The following CBLB variants were observed in gnomAD, a reference collection of about 807,000 sequenced individuals.
CBLB encodes E3 ubiquitin-protein ligase CBL-B.
Under a neutral mutation model 104.9 loss-of-function variants are expected in CBLB, and 31 were observed. The ratio of observed to expected loss-of-function variants is 0.30; its 90% CI spans 0.22 to 0.40. CBLB has a LOEUF of 0.40. Ranked by LOEUF, CBLB falls within the 10% of genes least tolerant of loss-of-function variation. CBLB has a pLI of 1.00. For missense variants in CBLB, 1,062 were observed against 1,214.6 expected (o/e 0.87, Z 1.87); for synonymous variants, 440 against 422.6 (o/e 1.04, Z -0.51).
At chr3:105,799,174 G>GAATAAAAAA (rs1471114207) in intron 3 of CBLB, among the ~76,000 whole-genome samples, 1 of 35,138 alleles carries the variant, frequency 2.8e-5, no homozygotes, top group Non-Finnish European at 5.7e-5. Context: ...TAATGACAAA[G>GAATAAAAAA]AACAAAAAAA....
At chr3:105,794,790 A>G (rs573292707) in intron 3 of CBLB, among the ~76,000 whole-genome samples, 2 of 152,220 alleles carry the variant, frequency 1.3e-5, no homozygotes, top group African/African-American at 2.4e-5. Context: ...AAATATATAC[A>G]TACATTCTAC....
At chr3:105,771,289 TATAATCATCTCA>T (rs2078848855) in intron 4 of CBLB, among the ~76,000 whole-genome samples, 1 of 152,078 alleles carries the variant, frequency 6.6e-6, no homozygotes, top group South Asian at 2.1e-4. Context: ...TAAAAATATA[TATAATCATCTCA>T]ATAGACCCAG....
intron 3 of CBLB, among the ~76,000 whole-genome samples, chr3:105,843,436 C>G (rs1270522669): frequency 6.6e-6 from 1 of 152,032 alleles, no homozygotes; most frequent in Admixed American, 6.6e-5. Flanking sequence ...TATAATTATT[C>G]TAATTAATCC....
intron 3 of CBLB, among the ~76,000 whole-genome samples, chr3:105,786,061 C>CGGGGGG (rs76857199): frequency 5.1e-4 from 40 of 79,130 alleles, no homozygotes; most frequent in East Asian, 6.0e-4. Flanking sequence ...GTGAGAGGAT[C>CGGGGGG]GGGGGGGGGA....
chr3:105,839,217 T>G (rs968663702), intron 3 of CBLB, among the ~76,000 whole-genome samples: 1 of 152,178 alleles, frequency 6.6e-6, no homozygotes, highest in African/African-American at 2.4e-5. Context: ...TTCAGAGGAT[T>G]AGAATGCATC....
intron 2 of CBLB, among the ~76,000 whole-genome samples, chr3:105,864,617 C>T (rs2092318268): frequency 6.6e-6 from 1 of 152,134 alleles, no homozygotes; most frequent in Non-Finnish European, 1.5e-5. Context: ...ACTATGCTAA[C>T]TCTGTGCTAC....
intron 9 of CBLB, among the ~76,000 whole-genome samples, chr3:105,728,393 A>G (rs1222085976): frequency 6.6e-6 from 1 of 152,194 alleles, no homozygotes; most frequent in Non-Finnish European, 1.5e-5. Context: ...ATACCTAGAA[A>G]TACAACTTAC....
At chr3:105,849,176 A>G (rs908982735) in intron 3 of CBLB, among the ~76,000 whole-genome samples, 2 of 152,182 alleles carry the variant, frequency 1.3e-5, no homozygotes, top group Non-Finnish European at 2.9e-5. Flanking sequence ...GTCCAAATAT[A>G]TTACTAGAAA....
Position 105,786,064 on chromosome 3 carries a change from G to GGGGT in CBLB, c.420-9523_420-9522insACCC, listed in dbSNP as rs1553794704. Reference sequence around the variant, plus strand: ...ACATAACACTGTGTGAGAGGATCGGGGGGGGGAAAGTGGGTAAAATGAAAG... The same window carrying GGGGT: ...ACATAACACTGTGTGAGAGGATCGGGGGGTGGGGGGAAAGTGGGTAAAATGAAAG... On this transcript the variant is annotated intron_variant, in intron 3 of 18. Coordinates refer to ENST00000394030, the MANE Select transcript of CBLB (RefSeq NM_170662.5). Among the ~76,000 whole-genome samples the GGGGT allele has an allele frequency of 5.0e-5, 7 of 139,154 alleles. 1 individual carries two copies. Among genetic ancestry groups the GGGGT allele is most frequent in the African/African-American group, 1.1e-4 (4 of 36,712 alleles). The allele number at this position is 139,154 out of a possible 152,430, so 91.3% of individuals were successfully genotyped here.
At chr3:105,723,157 C>T (rs2073125897) in intron 9 of CBLB, among the ~76,000 whole-genome samples, 1 of 152,128 alleles carries the variant, frequency 6.6e-6, no homozygotes, top group Non-Finnish European at 1.5e-5. Context: ...CATAAAGTCT[C>T]AAATGTTACT....
intron 3 of CBLB, among the ~76,000 whole-genome samples, chr3:105,842,929 T>C (rs976794609): frequency 2.6e-5 from 4 of 152,192 alleles, no homozygotes; most frequent in Admixed American, 6.5e-5. Context: ...GTTGATAAAA[T>C]AGTTTTAAAA....
intron 3 of CBLB, among the ~76,000 whole-genome samples, chr3:105,802,270 C>T (rs1294868202): frequency 1.3e-5 from 2 of 152,216 alleles, no homozygotes; most frequent in Non-Finnish European, 2.9e-5. Context: ...CACCAGTGTC[C>T]TCTCCAGCTG....
intron 1 of CBLB, chr3:105,868,172 T>C (rs1706410469): frequency 1.6e-6 from 2 of 1,224,530 alleles, no homozygotes; most frequent in Non-Finnish European, 1.0e-6. Context: ...CGAACACCTT[T>C]CTTTAAATCA....
In CBLB at chr3:105,658,415, G is replaced by C. The variant is rs371385973; in HGVS notation, c.*555C>G. The C allele has an allele frequency of 6.3e-5, 14 of 220,936 alleles. No individual in the cohort carries two copies. The South Asian group carries it at 9.2e-4, about 14-fold the overall frequency. The allele number at this position is 220,936 out of a possible 1,614,324, so 13.7% of individuals were successfully genotyped here. A position where few individuals can be genotyped will look rare whatever the true frequency, so the allele number is the denominator to read the frequency against. On this transcript the variant is annotated 3_prime_UTR_variant, in exon 19 of 19. Transcript: ENST00000394030. ...TACTTTTTTTTTTTTGCATTAGTTT[G>C]ATCAGTTGAAAATCAGAACCTTCAA... is the stretch of plus-strand genomic sequence containing the variant.
At chr3:105,811,366 A>C (rs2084271383) in intron 3 of CBLB, among the ~76,000 whole-genome samples, 1 of 152,242 alleles carries the variant, frequency 6.6e-6, no homozygotes. Flanking sequence ...TTGGGCAGAC[A>C]GCAATATAGA....
At chr3:105,735,831 A>G (rs941848777) in intron 8 of CBLB, among the ~76,000 whole-genome samples, 2 of 152,150 alleles carry the variant, frequency 1.3e-5, no homozygotes, top group African/African-American at 4.8e-5. Flanking sequence ...CTGTAATGCC[A>G]GCTACTCGGG....
intron 7 of CBLB, among the ~76,000 whole-genome samples, chr3:105,739,481 A>G (rs559796379): frequency 5.3e-5 from 8 of 152,296 alleles, no homozygotes; most frequent in African/African-American, 1.7e-4. Flanking sequence ...CAAGGAGAGG[A>G]CAAAGGGAAA....
intron 13 of CBLB, 46 bp from the exon 14 acceptor site, chr3:105,685,512 A>C (rs2066898947): frequency 6.6e-7 from 1 of 1,518,602 alleles, no homozygotes; most frequent in African/African-American, 1.4e-5. Flanking sequence ...ATAATATTCA[A>C]AACAGGCAAG....
At chr3:105,749,246 C>T (rs963037958) in intron 5 of CBLB, among the ~76,000 whole-genome samples, 7 of 151,990 alleles carry the variant, frequency 4.6e-5, no homozygotes, top group Admixed American at 1.3e-4. Context: ...CAGAAATACA[C>T]GGGCTAACAA....
Sources: allele counts gnomAD v4.1 joint callset (sites outside exome capture counted in the v4.1 genomes callset), GRCh38; gene constraint gnomAD v4.1.1; transcripts MANE v1.5; gene names NCBI Gene and HGNC (gene_info 2026-07-23, HGNC 2026-07-21).